KCND2: variants seen among roughly 807,000 people sequenced by gnomAD.
KCND2 encodes the protein A-type voltage-gated potassium channel KCND2.
In KCND2, 16 loss-of-function variants were observed where a neutral mutation model predicts 54.4. That is an observed-to-expected ratio of 0.29 (90% CI 0.20 to 0.45). The LOEUF is 0.45. Among genes scored for constraint, KCND2 ranks in the 20% least tolerant of loss-of-function variants. The pLI is 1.00. For synonymous variants in KCND2, 317 were observed against 310.7 expected, an observed-to-expected ratio of 1.02 and a Z score of -0.21; for missense variants, 486 against 824.2, an observed-to-expected ratio of 0.59 and a Z score of 5.02.
chr7:120,297,618 T>C (rs1331303976), intron 1 of KCND2, among the ~76,000 whole-genome samples: 1 of 152,120 alleles, frequency 6.6e-6, no homozygotes, highest in Non-Finnish European at 1.5e-5. Flanking sequence ...TTAGATTATT[T>C]AAAAATAATT....
At chr7:120,723,204 G>A (rs1054850593) in intron 1 of KCND2, among the ~76,000 whole-genome samples, 1 of 152,156 alleles carries the variant, frequency 6.6e-6, no homozygotes, top group Non-Finnish European at 1.5e-5. Flanking sequence ...AGGGAAGCTG[G>A]TGCCATCAGC....
chr7:120,302,678 T>A (rs571099759), intron 1 of KCND2, among the ~76,000 whole-genome samples: 1 of 152,306 alleles, frequency 6.6e-6, no homozygotes, highest in South Asian at 2.1e-4. Flanking sequence ...AAACAACTTA[T>A]TTATTTCATT....
At chr7:120,659,048 A>C (rs1430595477) in intron 1 of KCND2, among the ~76,000 whole-genome samples, 1 of 152,198 alleles carries the variant, frequency 6.6e-6, no homozygotes, top group Non-Finnish European at 1.5e-5. Flanking sequence ...CTGAATAATA[A>C]ATTTTTGTTA....
chr7:120,445,862 C>A (rs1802011077), intron 1 of KCND2, among the ~76,000 whole-genome samples: 1 of 151,886 alleles, frequency 6.6e-6, no homozygotes, highest in Admixed American at 6.6e-5. Flanking sequence ...AAGAATGGAA[C>A]CTATTACTTA....
intron 1 of KCND2, among the ~76,000 whole-genome samples, chr7:120,677,018 A>G (rs1792069181): frequency 2.0e-5 from 3 of 152,172 alleles, no homozygotes; most frequent in South Asian, 4.1e-4. Flanking sequence ...ATTAAATCCA[A>G]TGGGTAATAC....
chr7:120,330,581 CAAAA>C (rs3067024), intron 1 of KCND2, among the ~76,000 whole-genome samples: 2 of 48,388 alleles, frequency 4.1e-5, no homozygotes, highest in Admixed American at 3.7e-4. Flanking sequence ...AACTCTGTCT[CAAAA>C]AAAAAAAAAA....
intron 1 of KCND2, among the ~76,000 whole-genome samples, chr7:120,555,226 G>A (rs1234660312): frequency 1.3e-5 from 2 of 152,144 alleles, no homozygotes; most frequent in East Asian, 3.9e-4. Context: ...AACTCATAGA[G>A]GATTTGGGTT....
intron 1 of KCND2, among the ~76,000 whole-genome samples, chr7:120,682,852 C>T (rs978489000): frequency 1.4e-4 from 21 of 152,152 alleles, no homozygotes; most frequent in African/African-American, 4.8e-4. Flanking sequence ...AATGCTTGTT[C>T]CACATTTCTG....
intron 1 of KCND2, among the ~76,000 whole-genome samples, chr7:120,436,717 C>T (rs1025793564): frequency 2.6e-5 from 4 of 152,094 alleles, no homozygotes; most frequent in Non-Finnish European, 4.4e-5. Flanking sequence ...GGTCACTGGT[C>T]CTTGTAGGTT....
chr7:120,459,978 C>G (rs1279842535), intron 1 of KCND2, among the ~76,000 whole-genome samples: 1 of 152,116 alleles, frequency 6.6e-6, no homozygotes, highest in Non-Finnish European at 1.5e-5. Flanking sequence ...TTTTTCAATG[C>G]CTTCTTCCTT....
rs191137452 is a variant in KCND2, at chr7:120,430,356, C to T, written c.1115+154609C>T. 1.5e-3 allele frequency among the ~76,000 whole-genome samples: 233 copies of T among 152,202 alleles called. 1 individual carries two copies. The highest frequency in any genetic ancestry group is 5.5e-3 in the African/African-American group (230 of 41,534). ...CATTTAACCGTAATTCCCTTAGAAG[C>T]CCTGTGTTCAAATATAGTCATGTTT... On this transcript the variant is annotated intron_variant, in intron 1 of 5. Transcript: ENST00000331113.
chr7:120,712,224 G>T (rs1320163055), intron 1 of KCND2, among the ~76,000 whole-genome samples: 1 of 46,216 alleles, frequency 2.2e-5, no homozygotes. Context: ...GGTTTTCTTT[G>T]AATTTTGGAT....
At chr7:120,574,162 C>G (rs534457208) in intron 1 of KCND2, among the ~76,000 whole-genome samples, 1 of 152,262 alleles carries the variant, frequency 6.6e-6, no homozygotes, top group East Asian at 1.9e-4. Context: ...GTAAAGGATA[C>G]AATTTTATTT....
chr7:120,728,160 AAAAG>A (rs1792759513), intron 1 of KCND2, among the ~76,000 whole-genome samples: 1 of 151,110 alleles, frequency 6.6e-6, no homozygotes, highest in Non-Finnish European at 1.5e-5. Flanking sequence ...AAAGAAAGAA[AAAAG>A]AAAAGAAAAG....
chr7:120,684,399 A>C (rs1269823460), intron 1 of KCND2, among the ~76,000 whole-genome samples: 1 of 152,188 alleles, frequency 6.6e-6, no homozygotes, highest in Non-Finnish European at 1.5e-5. Context: ...TTATAACAAG[A>C]TATGTAAATT....
At chr7:120,519,834 C>T (rs1364288831) in intron 1 of KCND2, among the ~76,000 whole-genome samples, 1 of 152,046 alleles carries the variant, frequency 6.6e-6, no homozygotes, top group Non-Finnish European at 1.5e-5. Flanking sequence ...CGAGCCTGAT[C>T]CATTTGCTTC....
In KCND2 at chr7:120,275,177, C is replaced by G; in HGVS notation, c.545C>G (p.Thr182Arg). The change falls in exon 1 of 6, where the codon ACG becomes AGG. Residue 182 changes from threonine (T) to arginine (R), a missense_variant. By Grantham distance (71) the Thr-to-Arg change is moderately conservative. Coordinates refer to ENST00000331113, the MANE Select transcript of KCND2 (RefSeq NM_012281.3). ...GCCTTCGAGAACCCCCACACCAGCA[C>G]GATGGCCCTGGTGTTCTACTATGTC... ...WRAFENPHTS[T>R]MALVFYYVTG... The G allele has an allele frequency of 4.3e-6, 7 of 1,614,046 alleles. No homozygotes were observed. Among genetic ancestry groups the G allele is most frequent in the Non-Finnish European group, 5.9e-6 (7 of 1,180,020 alleles).
intron 1 of KCND2, among the ~76,000 whole-genome samples, chr7:120,483,142 C>T (rs1029460293): frequency 8.5e-5 from 13 of 152,194 alleles, no homozygotes; most frequent in Non-Finnish European, 1.5e-4. Context: ...TATGCTTTAT[C>T]GATTATGGAC....
chr7:120,465,525 C>G (rs1351050223), intron 1 of KCND2, among the ~76,000 whole-genome samples: 3 of 151,664 alleles, frequency 2.0e-5, no homozygotes, highest in Admixed American at 6.6e-5. Flanking sequence ...AAACAAAGAT[C>G]AAAGACATGA....
Sources: gnomAD v4.1 joint callset for allele counts (sites outside exome capture counted in the v4.1 genomes callset) on GRCh38, gnomAD v4.1.1 for gene constraint, MANE v1.5 for transcripts, NCBI Gene and HGNC (gene_info 2026-07-23, HGNC 2026-07-21) for gene names.